Variants in CFAP299 observed in about 807,000 individuals in gnomAD.
CFAP299 encodes cilia and flagella associated protein 299.
A neutral mutation model predicts 27.0 loss-of-function variants in CFAP299; 21 were observed. That is an observed-to-expected ratio of 0.78 (90% confidence interval 0.55 to 1.12). The LOEUF (loss-of-function observed/expected upper bound fraction) is 1.12, where lower values mean the gene tolerates loss of function less well. CFAP299 is among the 50% of genes most tolerant of loss of function. The probability of loss-of-function intolerance (pLI) is 0.00; values close to 1 mark genes in which losing one functional copy is unlikely to be tolerated. For missense variants in CFAP299, 310 were observed against 276.6 expected (o/e 1.12, Z -0.86); for synonymous variants, 104 against 98.1 (o/e 1.06, Z -0.36).
chr4:80,565,419 A>G (rs2110227078), intron 2 of CFAP299, among the ~76,000 whole-genome samples: 1 of 152,190 alleles, frequency 6.6e-6, no homozygotes, highest in South Asian at 2.1e-4. Context: ...AACAATATGA[A>G]CAGTTGAAAA....
intron 3 of CFAP299, among the ~76,000 whole-genome samples, chr4:80,851,861 G>A (rs1037614626): frequency 6.6e-6 from 1 of 151,938 alleles, no homozygotes; most frequent in African/African-American, 2.4e-5. Flanking sequence ...CCTCAGTGTG[G>A]AACTACAGTT....
At chr4:80,645,856 CACA>C (rs1231142984) in intron 3 of CFAP299, among the ~76,000 whole-genome samples, 2 of 152,124 alleles carry the variant, frequency 1.3e-5, no homozygotes, top group African/African-American at 4.8e-5. Context: ...CACCTCTTCT[CACA>C]ACAATATCAG....
chr4:80,422,148 T>C (rs1019331001), intron 2 of CFAP299, among the ~76,000 whole-genome samples: 1 of 152,200 alleles, frequency 6.6e-6, no homozygotes, highest in African/African-American at 2.4e-5. Flanking sequence ...TCTTGTTTAA[T>C]GTCTGCAGAC....
chr4:80,582,020 G>A (rs1260263460), intron 2 of CFAP299, among the ~76,000 whole-genome samples: 1 of 151,602 alleles, frequency 6.6e-6, no homozygotes, highest in African/African-American at 2.4e-5. Context: ...ATATTACCTG[G>A]TTTCTCTCTC....
chr4:80,533,587 T>G (rs2110190110), intron 2 of CFAP299, among the ~76,000 whole-genome samples: 1 of 152,280 alleles, frequency 6.6e-6, no homozygotes, highest in African/African-American at 2.4e-5. Context: ...AAAAAAGGAT[T>G]GCAGAAAATT....
intron 2 of CFAP299, among the ~76,000 whole-genome samples, chr4:80,475,961 G>T (rs1056215450): frequency 2.6e-5 from 4 of 152,176 alleles, no homozygotes; most frequent in African/African-American, 9.7e-5. Context: ...AAACAACAAT[G>T]TTGCTCAACT....
chr4:80,857,233 G>T (rs1189981786), intron 3 of CFAP299, among the ~76,000 whole-genome samples: 1 of 152,194 alleles, frequency 6.6e-6, no homozygotes, highest in Admixed American at 6.5e-5. Context: ...AAGAATGCTT[G>T]TGATTTTTGT....
At chr4:80,861,896 T>C (rs953441432) in intron 3 of CFAP299, among the ~76,000 whole-genome samples, 4 of 152,168 alleles carry the variant, frequency 2.6e-5, no homozygotes, top group African/African-American at 9.6e-5. Context: ...ATTCACTCTT[T>C]TGGATTTTCT....
chr4:80,549,810 T>G (rs1452986662), intron 2 of CFAP299, among the ~76,000 whole-genome samples: 1 of 152,114 alleles, frequency 6.6e-6, no homozygotes, highest in African/African-American at 2.4e-5. Context: ...ATTAAGAAGA[T>G]ATTTTTAAAA....
chr4:80,849,718 G>C (rs1285587530), intron 3 of CFAP299, among the ~76,000 whole-genome samples: 1 of 152,100 alleles, frequency 6.6e-6, no homozygotes, highest in Non-Finnish European at 1.5e-5. Flanking sequence ...AGGCTAGGGA[G>C]GGTAGAGGGA....
chr4:80,833,643 G>A (rs957970519), intron 3 of CFAP299, among the ~76,000 whole-genome samples: 2 of 152,142 alleles, frequency 1.3e-5, no homozygotes, highest in Non-Finnish European at 2.9e-5. Flanking sequence ...CATTCATTGT[G>A]ATTCTACCCA....
intron 2 of CFAP299, among the ~76,000 whole-genome samples, chr4:80,434,257 T>C (rs1472436827): frequency 6.6e-6 from 1 of 151,474 alleles, no homozygotes; most frequent in Non-Finnish European, 1.5e-5. Flanking sequence ...TTCTTAAAAT[T>C]GTAGAAAAAA....
At chr4:80,951,252 T>C (rs1404556420) in intron 5 of CFAP299, among the ~76,000 whole-genome samples, 2 of 152,164 alleles carry the variant, frequency 1.3e-5, no homozygotes, top group Non-Finnish European at 2.9e-5. Context: ...ATAGTTTCTA[T>C]TGGATGTAGG....
At chr4:80,846,410 C>G (rs938943343) in intron 3 of CFAP299, among the ~76,000 whole-genome samples, 3 of 152,134 alleles carry the variant, frequency 2.0e-5, no homozygotes, top group African/African-American at 7.2e-5. Context: ...GCACCTAGGA[C>G]AGCACTTGGT....
intron 4 of CFAP299, chr4:80,872,082 T>A (rs1358261349): frequency 6.6e-6 from 1 of 152,090 alleles, no homozygotes; most frequent in Non-Finnish European, 1.5e-5. Flanking sequence ...ATTTTACTGA[T>A]CCAGTAAAAT....
At chr4:80,711,716 T>C (rs367638957) in intron 3 of CFAP299, among the ~76,000 whole-genome samples, 10 of 152,294 alleles carry the variant, frequency 6.6e-5, no homozygotes, top group East Asian at 5.8e-4. Context: ...TGTTATGCTA[T>C]TTAAAAAAAG....
chr4:80,640,048 G>A (rs957774476), intron 3 of CFAP299, among the ~76,000 whole-genome samples: 1 of 152,166 alleles, frequency 6.6e-6, no homozygotes, highest in African/African-American at 2.4e-5. Context: ...GGTGTTGATA[G>A]TTGCAATGTG....
At chr4:80,713,581 G>A (rs1371188474) in intron 3 of CFAP299, among the ~76,000 whole-genome samples, 1 of 152,222 alleles carries the variant, frequency 6.6e-6, no homozygotes, top group East Asian at 1.9e-4. Context: ...TTACAGGCCA[G>A]GCATTCTGCC....
intron 2 of CFAP299, among the ~76,000 whole-genome samples, chr4:80,392,923 C>G (rs1725567475): frequency 1.3e-5 from 2 of 152,066 alleles, no homozygotes; most frequent in Admixed American, 1.3e-4. Flanking sequence ...AACTGTAAAA[C>G]AGCCTCAGGC....
Sources: allele counts gnomAD v4.1 joint callset (sites outside exome capture counted in the v4.1 genomes callset), GRCh38; gene constraint gnomAD v4.1.1; transcripts MANE v1.5; gene names NCBI Gene and HGNC (gene_info 2026-07-23, HGNC 2026-07-21).